Variants in PRKG1 observed in about 807,000 individuals in gnomAD.
PRKG1 encodes cGMP-dependent protein kinase 1.
PRKG1 carries 35 observed loss-of-function variants against 88.1 expected under a neutral mutation model. The ratio of observed to expected loss-of-function variants is 0.40; its 90% CI spans 0.30 to 0.53. The LOEUF (loss-of-function observed/expected upper bound fraction) is 0.53, where lower values mean the gene tolerates loss of function less well. Among genes scored for constraint, PRKG1 ranks in the 20% least tolerant of loss-of-function variants. The pLI, the probability that PRKG1 is intolerant of heterozygous loss-of-function variation, is 0.59. For synonymous variants in PRKG1, 303 were observed against 292.5 expected (o/e 1.04, Z -0.37); for missense variants, 540 against 839.8 (o/e 0.64, Z 4.41).
chr10:51,761,601 GTTTA>G (rs1838023449), intron 3 of PRKG1, among the ~76,000 whole-genome samples: 3 of 152,260 alleles, frequency 2.0e-5, no homozygotes, highest in South Asian at 4.1e-4. Context: ...GGGGAGTAGT[GTTTA>G]TTTATTTTTC....
chr10:51,651,578 A>G (rs1226024181), intron 3 of PRKG1, among the ~76,000 whole-genome samples: 1 of 132,594 alleles, frequency 7.5e-6, no homozygotes, highest in Admixed American at 8.2e-5. Context: ...AATTTTACAG[A>G]TCTTACTTTT....
upstream of PRKG1, among the ~76,000 whole-genome samples, chr10:51,074,142 C>T (rs12264657): frequency 0.087 from 12,970 of 148,882 alleles, 1,898 homozygotes; most frequent in African/African-American, 0.3. Flanking sequence ...ACACCCCCGG[C>T]GCGCCTCGGA....
chr10:51,322,888 T>G (rs1841492156), intron 2 of PRKG1, among the ~76,000 whole-genome samples: 1 of 152,244 alleles, frequency 6.6e-6, no homozygotes, highest in African/African-American at 2.4e-5. Flanking sequence ...ATTATTACTG[T>G]TATTTTAATG....
intron 1 of PRKG1, among the ~76,000 whole-genome samples, chr10:51,002,064 G>A (rs1439899290): frequency 6.6e-6 from 1 of 151,878 alleles, no homozygotes; most frequent in Non-Finnish European, 1.5e-5. Flanking sequence ...CAGTTTGCAT[G>A]GAGAGTTCTT....
intron 2 of PRKG1, among the ~76,000 whole-genome samples, chr10:51,324,321 G>T (rs1254723829): frequency 2.6e-5 from 4 of 151,874 alleles, no homozygotes; most frequent in African/African-American, 9.7e-5. Flanking sequence ...CACCTTTTTA[G>T]CTCCCACGTG....
At chr10:51,323,328 G>A (rs1841502408) in intron 2 of PRKG1, among the ~76,000 whole-genome samples, 2 of 152,110 alleles carry the variant, frequency 1.3e-5, no homozygotes, top group Non-Finnish European at 2.9e-5. Flanking sequence ...GCAAGAAGTT[G>A]TTTTTGTTTC....
intron 3 of PRKG1, among the ~76,000 whole-genome samples, chr10:51,739,982 G>C (rs904821799): frequency 6.6e-6 from 1 of 152,014 alleles, no homozygotes; most frequent in African/African-American, 2.4e-5. Context: ...CAATATTTTT[G>C]GTCTCCAGAG....
intron 10 of PRKG1, among the ~76,000 whole-genome samples, chr10:52,266,464 T>C (rs1224129550): frequency 6.6e-6 from 1 of 151,874 alleles, no homozygotes; most frequent in Non-Finnish European, 1.5e-5. Flanking sequence ...AGTGAGAACA[T>C]GCGCTGTTTG....
Position 51,538,683 on chromosome 10 carries a change from C to A in PRKG1, c.592+70847C>A, listed in dbSNP as rs115775815. The stretch of plus-strand genomic sequence containing the variant: ...ACCCTAACAATGAAAAAAAAAAAAA[C>A]AAATCCCTTTAATAGTTTTCTATGG... On this transcript the variant is annotated intron_variant, in intron 3 of 17. Coordinates refer to ENST00000373980, the MANE Select transcript of PRKG1 (RefSeq NM_006258.4). Among the ~76,000 whole-genome samples the A allele has an allele frequency of 2.8e-3, 412 of 145,880 alleles. 2 individuals are homozygous for A. Among genetic ancestry groups the A allele is most frequent in the African/African-American group, 9.0e-3 (361 of 39,926 alleles).
intron 3 of PRKG1, among the ~76,000 whole-genome samples, chr10:51,649,193 G>A (rs1248753486): frequency 6.6e-6 from 1 of 152,098 alleles, no homozygotes; most frequent in Non-Finnish European, 1.5e-5. Context: ...GAAAATAGGA[G>A]CTCCTACTTT....
chr10:51,377,619 G>A (rs1032648350), intron 2 of PRKG1, among the ~76,000 whole-genome samples: 6 of 151,582 alleles, frequency 4.0e-5, no homozygotes, highest in South Asian at 2.1e-4. Context: ...TTCTAAATTC[G>A]TTGCTAATAT....
At chr10:51,232,798 T>C (rs1351435096) in intron 2 of PRKG1, among the ~76,000 whole-genome samples, 4 of 152,128 alleles carry the variant, frequency 2.6e-5, no homozygotes, top group African/African-American at 9.7e-5. Flanking sequence ...CACAGCTCCT[T>C]CAATAGAATC....
chr10:51,620,655 T>G (rs1386332373), intron 3 of PRKG1, among the ~76,000 whole-genome samples: 2 of 152,114 alleles, frequency 1.3e-5, no homozygotes, highest in South Asian at 2.1e-4. Flanking sequence ...TTGTTTCTAC[T>G]TATTAATTAC....
At chr10:51,564,274 G>A (rs1214900998) in intron 3 of PRKG1, among the ~76,000 whole-genome samples, 1 of 151,956 alleles carries the variant, frequency 6.6e-6, no homozygotes, top group Admixed American at 6.6e-5. Flanking sequence ...ATGGGAAAAA[G>A]CTAGACAATT....
chr10:51,040,311 C>CTTTTTT (rs34444612), intron 1 of PRKG1, among the ~76,000 whole-genome samples: 2 of 42,620 alleles, frequency 4.7e-5, no homozygotes, highest in African/African-American at 9.1e-5. Context: ...TTCTTTTTCT[C>CTTTTTT]TTTTTTTTTT....
chr10:51,402,425 C>T (rs140432722), intron 2 of PRKG1, among the ~76,000 whole-genome samples: 1,625 of 152,310 alleles, frequency 0.011, 69 homozygotes, highest in Admixed American at 0.079. Flanking sequence ...ATTGCATTTA[C>T]CCTCTGCCAT....
chr10:51,711,491 ACCT>A (rs1453875662), intron 3 of PRKG1, among the ~76,000 whole-genome samples: 54 of 151,766 alleles, frequency 3.6e-4, no homozygotes, highest in African/African-American at 1.3e-3. Flanking sequence ...TTACTTTCTG[ACCT>A]CCTTCTTTTA....
At chr10:51,812,072 GT>G (rs1189565876) in intron 4 of PRKG1, among the ~76,000 whole-genome samples, 1 of 152,200 alleles carries the variant, frequency 6.6e-6, no homozygotes, top group Non-Finnish European at 1.5e-5. Flanking sequence ...AGTAATTGCA[GT>G]TTTGACTGTG....
At chr10:51,652,789 A>G (rs1840071830) in intron 3 of PRKG1, among the ~76,000 whole-genome samples, 1 of 152,166 alleles carries the variant, frequency 6.6e-6, no homozygotes, top group South Asian at 2.1e-4. Context: ...ACTATTAACT[A>G]CAGTCACCAT....
Sources: allele counts gnomAD v4.1 joint callset (sites outside exome capture counted in the v4.1 genomes callset), GRCh38; gene constraint gnomAD v4.1.1; transcripts MANE v1.5; gene names NCBI Gene and HGNC (gene_info 2026-07-23, HGNC 2026-07-21).